NCOA7: variants seen among roughly 807,000 people sequenced by gnomAD.
NCOA7 encodes 140 kDa estrogen receptor-associated protein.
In NCOA7, 45 loss-of-function variants were observed where a neutral mutation model predicts 104.3. The observed-to-expected ratio is 0.43, with a 90% confidence interval of 0.34 to 0.55. NCOA7 has a LOEUF of 0.55. Ranked by LOEUF, NCOA7 falls within the 20% of genes least tolerant of loss-of-function variation. NCOA7 has a pLI of 0.02. For missense variants in NCOA7, 1,041 were observed against 1,119.7 expected (o/e 0.93, Z 1.00); for synonymous variants, 398 against 402.3 (o/e 0.99, Z 0.13).
intron 3 of NCOA7, among the ~76,000 whole-genome samples, chr6:125,861,532 A>G (rs1252835355): frequency 1.3e-5 from 2 of 152,224 alleles, no homozygotes; most frequent in Non-Finnish European, 2.9e-5. Flanking sequence ...TAGAAAAAGG[A>G]TGCCAAGAAT....
At chr6:125,884,371 G>A (rs1299952799) in intron 7 of NCOA7, among the ~76,000 whole-genome samples, 1 of 152,132 alleles carries the variant, frequency 6.6e-6, no homozygotes, top group African/African-American at 2.4e-5. Context: ...ACCCAGTAAT[G>A]AGATTGCTGA....
intron 3 of NCOA7, among the ~76,000 whole-genome samples, chr6:125,866,487 T>C (rs17053619): frequency 0.011 from 1,713 of 152,350 alleles, 37 homozygotes; most frequent in African/African-American, 0.035. Flanking sequence ...CTTGAACCCT[T>C]ACTGTGCACA....
At chr6:125,855,353 G>T in intron 3 of NCOA7, 113 bp downstream of exon 3, 1 of 798,462 alleles carries the variant, frequency 1.3e-6, no homozygotes, top group Middle Eastern at 3.7e-4. Flanking sequence ...TGGAGCAGCT[G>T]CTATGTGCCC....
chr6:125,916,162 C>G (rs1240241655), intron 11 of NCOA7, among the ~76,000 whole-genome samples: 1 of 152,214 alleles, frequency 6.6e-6, no homozygotes, highest in East Asian at 1.9e-4. Context: ...GGAGTTCTCA[C>G]AAGATCTGAT....
At chr6:125,922,962 C>G in intron 13 of NCOA7, 128 bp downstream of exon 13, 1 of 822,044 alleles carries the variant, frequency 1.2e-6, no homozygotes, top group Non-Finnish European at 1.8e-6. Context: ...CCTTCTGTGT[C>G]TTTTATCTTT....
rs543764334 is a variant in NCOA7 at position 125,913,220 on chromosome 6, AG to A, written c.2097-2111del. Among the ~76,000 whole-genome samples the A allele has an allele frequency of 1.5e-4, 23 of 152,312 alleles. No individual in the cohort carries two copies. In the South Asian group the frequency reaches 4.8e-3, roughly 32 times the overall value. ...GCTCATGTGATTGTTAAGGGCTGGC[AG>A]GTCTGAAATTTTCAGGACAGGCTGT... On this transcript the variant is annotated intron_variant, in intron 10 of 15. Transcript: ENST00000392477.
chr6:125,822,917 A>G (rs1778316296), intron 2 of NCOA7, among the ~76,000 whole-genome samples: 1 of 150,578 alleles, frequency 6.6e-6, no homozygotes, highest in South Asian at 2.1e-4. Flanking sequence ...CCTGGGCGAC[A>G]GAGTGAGACT....
chr6:125,900,603 T>C (rs1373145510), intron 10 of NCOA7, among the ~76,000 whole-genome samples: 2 of 152,248 alleles, frequency 1.3e-5, no homozygotes, highest in Non-Finnish European at 2.9e-5. Context: ...ACAATGGAGC[T>C]AATTAAACAT....
chr6:125,826,513 G>A (rs577975409), intron 2 of NCOA7, among the ~76,000 whole-genome samples: 17 of 151,408 alleles, frequency 1.1e-4, no homozygotes, highest in Non-Finnish European at 2.1e-4. Context: ...TATATTAGCC[G>A]ATGCAACTAG....
At chr6:125,897,300 C>G (rs779883083) in intron 10 of NCOA7, among the ~76,000 whole-genome samples, 29 of 152,170 alleles carry the variant, frequency 1.9e-4, no homozygotes, top group Non-Finnish European at 1.5e-5. Flanking sequence ...GGTACCTTTT[C>G]TTTAAGTCAA....
intron 1 of NCOA7, chr6:125,798,107 T>TG (rs1562772061): frequency 6.6e-6 from 1 of 152,232 alleles, no homozygotes; most frequent in Admixed American, 6.5e-5. Context: ...ATACCTTCAA[T>TG]GGAGAGCAGT....
chr6:125,886,164 GAAAAAA>G (rs57159294), intron 8 of NCOA7, among the ~76,000 whole-genome samples: 35 of 115,932 alleles, frequency 3.0e-4, no homozygotes, highest in Non-Finnish European at 5.7e-4. Context: ...GGGCTTATAT[GAAAAAA>G]AAAAAAAAAA....
rs1037714767 is a variant in NCOA7 at position 125,815,470 on chromosome 6, C to G, written c.50+66C>G. On this transcript the variant is annotated intron_variant, in intron 2 of 15. Transcript: ENST00000392477. ...GAAATATTTGAGGGGACTTTGTCCT[C>G]AAGTATTACTTCGCATTTTGTGTTT... 3.8e-6 allele frequency: 5 copies of G among 1,316,604 alleles called. No homozygotes were observed. The African/African-American group carries it at 5.8e-5, about 15-fold the overall frequency. The allele number at this position is 1,316,604 out of a possible 1,614,324, so 81.6% of individuals were successfully genotyped here.
intron 1 of NCOA7, among the ~76,000 whole-genome samples, chr6:125,813,281 A>G (rs990836919): frequency 1.3e-5 from 2 of 152,068 alleles, no homozygotes; most frequent in African/African-American, 4.8e-5. Flanking sequence ...GCCAGCTAGG[A>G]TTAAGTCCAA....
intron 1 of NCOA7, chr6:125,798,122 C>T (rs1036865074): frequency 6.6e-6 from 1 of 152,164 alleles, no homozygotes; most frequent in Non-Finnish European, 1.5e-5. Flanking sequence ...AGCAGTTTGC[C>T]TCATGGTCTC....
At position 125,884,897 on chromosome 6, in the gene NCOA7, A is replaced by G. The variant is rs142356037; in HGVS notation, c.700-262A>G. 1.0e-3 allele frequency among the ~76,000 whole-genome samples: 152 copies of G among 152,274 alleles called. 1 individual carries two copies. Among genetic ancestry groups the G allele is most frequent in the African/African-American group, 3.6e-3 (148 of 41,556 alleles). ...ATGTGAGAACCAGGATCACTCCACA[A>G]CTGTGCTGTTGCAGCAGCTGTGATA... is the stretch of plus-strand genomic sequence containing the variant. On this transcript the variant is annotated intron_variant, in intron 7 of 15. Coordinates refer to ENST00000392477, the MANE Select transcript of NCOA7 (RefSeq NM_181782.5).
intron 1 of NCOA7, among the ~76,000 whole-genome samples, chr6:125,795,818 GCT>G (rs1491289055): frequency 6.6e-6 from 1 of 152,078 alleles, no homozygotes; most frequent in African/African-American, 2.4e-5. Context: ...GTCATTCTTA[GCT>G]AAGTCCCCTT....
intron 2 of NCOA7, among the ~76,000 whole-genome samples, chr6:125,825,813 A>C (rs1778609777): frequency 6.6e-6 from 1 of 152,176 alleles, no homozygotes; most frequent in African/African-American, 2.4e-5. Context: ...CTAGACAATA[A>C]GAGAAATTTA....
chr6:125,871,220 A>T (rs1024878453), intron 3 of NCOA7, among the ~76,000 whole-genome samples: 9 of 152,246 alleles, frequency 5.9e-5, no homozygotes, highest in African/African-American at 2.2e-4. Context: ...GGTCAGTGTC[A>T]TTGGAAGACA....
Sources: allele counts gnomAD v4.1 joint callset (sites outside exome capture counted in the v4.1 genomes callset), GRCh38; gene constraint gnomAD v4.1.1; transcripts MANE v1.5; gene names NCBI Gene and HGNC (gene_info 2026-07-23, HGNC 2026-07-21).